The following CDK6 variants were observed in gnomAD, a reference collection of about 807,000 sequenced individuals.
The protein encoded by CDK6 is cyclin dependent kinase 6.
CDK6 carries 6 observed loss-of-function variants against 37.1 expected under a neutral mutation model. That is an observed-to-expected ratio of 0.16 (90% confidence interval 0.09 to 0.32). The LOEUF is 0.32. CDK6 is among the 10% of genes least tolerant of loss of function. CDK6 has a pLI of 1.00. For synonymous variants in CDK6, 160 were observed against 161.3 expected, an observed-to-expected ratio of 0.99 and a Z score of 0.06; for missense variants, 224 against 418.9, an observed-to-expected ratio of 0.53 and a Z score of 4.06.
intron 5 of CDK6, among the ~76,000 whole-genome samples, chr7:92,643,061 A>ATT (rs1225631217): frequency 3.3e-5 from 5 of 152,042 alleles, no homozygotes; most frequent in Non-Finnish European, 5.9e-5. Context: ...CACCTGACTA[A>ATT]TTTTTTGTAG....
At chr7:92,639,701 A>T (rs1796257492) in intron 5 of CDK6, among the ~76,000 whole-genome samples, 1 of 151,762 alleles carries the variant, frequency 6.6e-6, no homozygotes. Flanking sequence ...GGTTTCTTTC[A>T]TTTGCCAACG....
intron 3 of CDK6, among the ~76,000 whole-genome samples, chr7:92,738,485 C>A (rs1485149245): frequency 6.6e-6 from 1 of 151,774 alleles, no homozygotes; most frequent in African/African-American, 2.4e-5. Flanking sequence ...ACTAAAAACA[C>A]AAAATTAGCT....
intron 2 of CDK6, among the ~76,000 whole-genome samples, chr7:92,829,853 AT>A (rs1321400063): frequency 6.6e-6 from 1 of 152,212 alleles, no homozygotes; most frequent in East Asian, 1.9e-4. Flanking sequence ...AGATGAGTAA[AT>A]TTTTAAAGAG....
At chr7:92,671,578 G>A (rs1797072231) in intron 4 of CDK6, 43 bp from the exon 5 acceptor site, 17 of 1,257,108 alleles carry the variant, frequency 1.4e-5, no homozygotes, top group Non-Finnish European at 1.8e-5. Flanking sequence ...GAAGGTGGCT[G>A]TTGGCTTAGA....
chr7:92,683,742 A>G (rs1797389295), intron 4 of CDK6, among the ~76,000 whole-genome samples: 1 of 151,950 alleles, frequency 6.6e-6, no homozygotes, highest in African/African-American at 2.4e-5. Context: ...TTTGTGCTTT[A>G]AGCTATTAAA....
At chr7:92,702,213 G>A (rs1797864361) in intron 4 of CDK6, among the ~76,000 whole-genome samples, 1 of 109,438 alleles carries the variant, frequency 9.1e-6, no homozygotes, top group Non-Finnish European at 1.8e-5. Context: ...GCATTATCAA[G>A]TATATTCTTT....
chr7:92,818,132 CA>C (rs146546571), intron 2 of CDK6, among the ~76,000 whole-genome samples: 2,640 of 151,864 alleles, frequency 0.017, 76 homozygotes, highest in African/African-American at 0.059. Context: ...TATGAAAATA[CA>C]AAAGAAGAGC....
chr7:92,658,576 TC>T (rs1163506966), intron 5 of CDK6, among the ~76,000 whole-genome samples: 4 of 142,414 alleles, frequency 2.8e-5, no homozygotes, highest in Non-Finnish European at 6.4e-5. Context: ...ATAAACTCTC[TC>T]TCTTTCTCTC....
At chr7:92,724,493 TGG>T in intron 4 of CDK6, among the ~76,000 whole-genome samples, 1 of 151,954 alleles carries the variant, frequency 6.6e-6, no homozygotes, top group Non-Finnish European at 1.5e-5. Context: ...GGGCAGGGGG[TGG>T]GGAACACTTT....
At chr7:92,790,385 C>G (rs1265180061) in intron 2 of CDK6, among the ~76,000 whole-genome samples, 1 of 152,136 alleles carries the variant, frequency 6.6e-6, no homozygotes, top group Non-Finnish European at 1.5e-5. Flanking sequence ...TCCCAAATGC[C>G]CTGAGACTCT....
intron 5 of CDK6, among the ~76,000 whole-genome samples, chr7:92,634,465 C>T (rs1410157661): frequency 6.8e-6 from 1 of 146,150 alleles, no homozygotes; most frequent in Non-Finnish European, 1.5e-5. Flanking sequence ...GCAGGAGTTT[C>T]TCTTCATAAC....
chr7:92,686,944 C>A (rs1354908720), intron 4 of CDK6, among the ~76,000 whole-genome samples: 1 of 152,072 alleles, frequency 6.6e-6, no homozygotes, highest in African/African-American at 2.4e-5. Flanking sequence ...CTATTCATGT[C>A]CTTAGCCCAC....
chr7:92,645,297 A>C (rs1390695636), intron 5 of CDK6, among the ~76,000 whole-genome samples: 1 of 152,212 alleles, frequency 6.6e-6, no homozygotes, highest in African/African-American at 2.4e-5. Flanking sequence ...CTGCTTTTTA[A>C]AGGCCATCAA....
chr7:92,676,382 T>C (rs1797203099), intron 4 of CDK6, among the ~76,000 whole-genome samples: 1 of 152,100 alleles, frequency 6.6e-6, no homozygotes. Flanking sequence ...TTGGTAGGAT[T>C]TATTGTTGTT....
Position 92,704,282 on chromosome 7 carries a change from G to A in CDK6, c.537+21344C>T, listed in dbSNP as rs560367104. Among the ~76,000 whole-genome samples the A allele has an allele frequency of 3.9e-5, 6 of 152,218 alleles. No individual in the cohort carries two copies. The South Asian group carries it at 1.2e-3, about 32-fold the overall frequency. On this transcript the variant is annotated intron_variant, in intron 4 of 7. Coordinates refer to ENST00000424848, the MANE Select transcript of CDK6 (RefSeq NM_001145306.2). ...TTCTACACTCTCAGCTCAGTGACTGGCCAGCAGAAACTATAGCAAAACTTG... is the reference window on the plus strand; with the variant it reads ...TTCTACACTCTCAGCTCAGTGACTGACCAGCAGAAACTATAGCAAAACTTG...
At chr7:92,756,828 G>C (rs1020648694) in intron 3 of CDK6, among the ~76,000 whole-genome samples, 2 of 152,176 alleles carry the variant, frequency 1.3e-5, no homozygotes, top group South Asian at 4.1e-4. Flanking sequence ...AAGACCAGAG[G>C]GGGAAGAAAC....
At chr7:92,687,921 T>C (rs1369504795) in intron 4 of CDK6, among the ~76,000 whole-genome samples, 2 of 152,336 alleles carry the variant, frequency 1.3e-5, no homozygotes, top group Non-Finnish European at 2.9e-5. Flanking sequence ...CAAGATAATA[T>C]GTAAAAACTG....
chr7:92,803,474 A>G (rs974728803), intron 2 of CDK6, among the ~76,000 whole-genome samples: 1 of 152,222 alleles, frequency 6.6e-6, no homozygotes, highest in African/African-American at 2.4e-5. Flanking sequence ...GAGAAGAGCA[A>G]GTAAGCCATG....
intron 3 of CDK6, among the ~76,000 whole-genome samples, chr7:92,769,181 A>G (rs1799652273): frequency 6.6e-6 from 1 of 152,208 alleles, no homozygotes; most frequent in African/African-American, 2.4e-5. Context: ...AGTGTGTTTT[A>G]TCTCTTACTA....
Sources: allele counts gnomAD v4.1 joint callset (sites outside exome capture counted in the v4.1 genomes callset), GRCh38; gene constraint gnomAD v4.1.1; transcripts MANE v1.5; gene names NCBI Gene and HGNC (gene_info 2026-07-23, HGNC 2026-07-21).